CHN1: variants seen among roughly 807,000 people sequenced by gnomAD.
CHN1 encodes chimerin 1.
Under a neutral mutation model 59.5 loss-of-function variants are expected in CHN1, and 37 were observed. The observed-to-expected ratio is 0.62, with a 90% CI of 0.48 to 0.82. The LOEUF (loss-of-function observed/expected upper bound fraction) is 0.82, where lower values mean the gene tolerates loss of function less well. Among genes scored for constraint, CHN1 ranks in the 40% least tolerant of loss-of-function variants. The probability of loss-of-function intolerance (pLI) is 0.00; values close to 1 mark genes in which losing one functional copy is unlikely to be tolerated. For synonymous variants in CHN1, 206 were observed against 200.4 expected (o/e 1.03, Z -0.24); for missense variants, 469 against 571.0 (o/e 0.82, Z 1.82).
chr2:174,999,787 G>C (rs1243319092), intron 1 of CHN1, among the ~76,000 whole-genome samples: 2 of 152,170 alleles, frequency 1.3e-5, no homozygotes, highest in Non-Finnish European at 2.9e-5. Context: ...TAGAAAACAG[G>C]CCTAAAAGGC....
chr2:174,827,906 G>T (rs937882813), intron 7 of CHN1, among the ~76,000 whole-genome samples: 3 of 152,128 alleles, frequency 2.0e-5, no homozygotes, highest in African/African-American at 7.2e-5. Context: ...AGGTGGGGAG[G>T]ACTGTGGAAG....
intron 2 of CHN1, among the ~76,000 whole-genome samples, chr2:174,949,813 GT>G (rs1202769036): frequency 2.6e-5 from 4 of 152,066 alleles, no homozygotes; most frequent in African/African-American, 7.3e-5. Flanking sequence ...TGACTCAGAA[GT>G]TTTTTTCATG....
At chr2:174,816,629 C>A (rs560252648) in intron 8 of CHN1, among the ~76,000 whole-genome samples, 2 of 152,064 alleles carry the variant, frequency 1.3e-5, no homozygotes, top group East Asian at 3.9e-4. Context: ...AAATTAGCCA[C>A]CAGGGAACTC....
chr2:174,993,792 C>A (rs1046248262), intron 1 of CHN1, among the ~76,000 whole-genome samples: 2 of 152,016 alleles, frequency 1.3e-5, no homozygotes, highest in African/African-American at 4.8e-5. Context: ...TTGTAAATTG[C>A]CTCAAATTCT....
chr2:174,962,233 C>T (rs1048038804), intron 1 of CHN1, among the ~76,000 whole-genome samples: 1 of 151,784 alleles, frequency 6.6e-6, no homozygotes, highest in Non-Finnish European at 1.5e-5. Flanking sequence ...TGCAGTGAGC[C>T]GAGATCACGC....
At chr2:174,801,567 G>T in intron 12 of CHN1, 140 bp downstream of exon 12, 1 of 582,786 alleles carries the variant, frequency 1.7e-6, no homozygotes, top group South Asian at 2.2e-5. Flanking sequence ...CTCAACTAGT[G>T]CAATTTCACA....
At chr2:174,912,296 C>G (rs1447595252) in intron 5 of CHN1, among the ~76,000 whole-genome samples, 1 of 152,106 alleles carries the variant, frequency 6.6e-6, no homozygotes, top group Non-Finnish European at 1.5e-5. Context: ...AGGTAGGGGC[C>G]TCTGGATGAA....
chr2:174,977,443 AG>A (rs2105445630), intron 1 of CHN1, among the ~76,000 whole-genome samples: 1 of 152,364 alleles, frequency 6.6e-6, no homozygotes, highest in East Asian at 1.9e-4. Flanking sequence ...AACAATTAAA[AG>A]TTTTCAACTG....
chr2:174,897,469 A>T (rs62183356), intron 5 of CHN1, among the ~76,000 whole-genome samples: 1 of 151,368 alleles, frequency 6.6e-6, no homozygotes, highest in African/African-American at 2.4e-5. Flanking sequence ...AAACATATAT[A>T]TTTTCAGATA....
In CHN1 at chr2:174,818,528, A is replaced by G. The variant is rs189488994; in HGVS notation, c.712+5906T>C. ...TATATAGTTCCATTTCTCTCAGGGA[A>G]GCGCTATACTACAAATAATAATAAT... On this transcript the variant is annotated intron_variant, in intron 8 of 12. Transcript: ENST00000409900. 7.2e-5 allele frequency among the ~76,000 whole-genome samples: 11 copies of G among 152,302 alleles called. No individual in the cohort carries two copies. In the East Asian group the frequency reaches 2.1e-3, roughly 29 times the overall value.
rs758128948 is a variant in CHN1, at chr2:174,799,288, CA to C, written c.*827del. 4 of 314,484 alleles carry C rather than the reference CA, an allele frequency of 1.3e-5. No individual in the cohort carries two copies. The highest frequency in any genetic ancestry group is 2.5e-5 in the Non-Finnish European group (4 of 162,776). 19.5% of individuals were successfully genotyped at this position (314,484 alleles called of 1,614,324 possible). ...TTAAATGATTATTTTAGAAGCTTAT[CA>C]CTTTTAACAGTAAACAAAAGAGGTC... is the stretch of plus-strand genomic sequence containing the variant. On this transcript the variant is annotated 3_prime_UTR_variant, in exon 13 of 13. Coordinates refer to ENST00000409900, the MANE Select transcript of CHN1 (RefSeq NM_001822.7).
intron 6 of CHN1, among the ~76,000 whole-genome samples, chr2:174,876,923 G>T (rs1228606902): frequency 6.6e-6 from 1 of 152,118 alleles, no homozygotes; most frequent in East Asian, 1.9e-4. Context: ...AGACAAATTA[G>T]GTATTACAAC....
At chr2:174,962,364 AT>A (rs1327801305) in intron 1 of CHN1, among the ~76,000 whole-genome samples, 1 of 151,954 alleles carries the variant, frequency 6.6e-6, no homozygotes, top group African/African-American at 2.4e-5. Context: ...AAGAGAGAAA[AT>A]TGTGTGTTCT....
intron 5 of CHN1, among the ~76,000 whole-genome samples, chr2:174,910,002 C>G (rs1252966515): frequency 6.6e-6 from 1 of 152,188 alleles, no homozygotes; most frequent in Non-Finnish European, 1.5e-5. Flanking sequence ...ATTCTAAAGT[C>G]TATACTACAA....
intron 2 of CHN1, among the ~76,000 whole-genome samples, chr2:174,951,649 T>A (rs1024862174): frequency 1.3e-5 from 2 of 152,158 alleles, no homozygotes; most frequent in African/African-American, 4.8e-5. Flanking sequence ...CCTAGATGTT[T>A]AAAAAGAAAT....
chr2:174,874,221 T>C (rs1687490986), intron 6 of CHN1, among the ~76,000 whole-genome samples: 1 of 152,208 alleles, frequency 6.6e-6, no homozygotes, highest in Non-Finnish European at 1.5e-5. Flanking sequence ...TTGTATTCAC[T>C]ACTTGGAATA....
chr2:174,814,963 T>C (rs570206459), intron 8 of CHN1, among the ~76,000 whole-genome samples: 1 of 152,334 alleles, frequency 6.6e-6, no homozygotes, highest in East Asian at 1.9e-4. Flanking sequence ...TCAGCTATTT[T>C]TTTTTTCAAA....
intron 1 of CHN1, among the ~76,000 whole-genome samples, chr2:174,977,679 T>A (rs886465849): frequency 2.0e-5 from 3 of 152,198 alleles, no homozygotes; most frequent in African/African-American, 7.2e-5. Flanking sequence ...TCATAAGCAA[T>A]GAGCAAATAA....
intron 1 of CHN1, among the ~76,000 whole-genome samples, chr2:174,964,908 A>C (rs1407619810): frequency 1.3e-5 from 2 of 152,152 alleles, no homozygotes; most frequent in African/African-American, 2.4e-5. Context: ...AACAAGATTT[A>C]GTGTTAAACT....
Sources: allele counts gnomAD v4.1 joint callset (sites outside exome capture counted in the v4.1 genomes callset), GRCh38; gene constraint gnomAD v4.1.1; transcripts MANE v1.5; gene names NCBI Gene and HGNC (gene_info 2026-07-23, HGNC 2026-07-21).